The following PHC2 variants were observed in gnomAD, a reference collection of about 807,000 sequenced individuals.
The protein encoded by PHC2 is polyhomeotic homolog 2.
PHC2 carries 29 observed loss-of-function variants against 87.4 expected under a neutral mutation model. That is an observed-to-expected ratio of 0.33 (90% CI 0.25 to 0.45). The LOEUF is 0.45. Among genes scored for constraint, PHC2 ranks in the 20% least tolerant of loss-of-function variants. The pLI, the probability that PHC2 is intolerant of heterozygous loss-of-function variation, is 1.00. For missense variants in PHC2, 857 were observed against 1,136.7 expected (o/e 0.75, Z 3.54); for synonymous variants, 438 against 461.7 (o/e 0.95, Z 0.66).
At chr1:33,425,854 C>A (rs138192274) in intron 1 of PHC2, among the ~76,000 whole-genome samples, 14 of 152,280 alleles carry the variant, frequency 9.2e-5, no homozygotes, top group African/African-American at 3.1e-4. Context: ...CTCACGTTTT[C>A]TTAGGCTTAC....
In PHC2 at chr1:33,367,119, G is replaced by A; in HGVS notation, c.973C>T (p.Pro325Ser). 6.2e-7 allele frequency: 1 copy of A among 1,602,984 alleles called. No individual in the cohort carries two copies. Among genetic ancestry groups the A allele is most frequent in the Non-Finnish European group, 8.5e-7 (1 of 1,172,156 alleles). The change falls in exon 7 of 15, where the codon CCA becomes TCA. Residue 325 changes from proline (P) to serine (S), a missense_variant. By Grantham distance (74) the Pro-to-Ser change is moderately conservative. Coordinates refer to ENST00000683057, the MANE Select transcript of PHC2 (RefSeq NM_001385109.1). ...PAVAAHPLIA[P>S]AYAQLQPHQL... ...TCCTGCTTCCTGAAGACCTTACCTG[G>A]TGCAATGAGGGGGTGGGCAGCCACA... is the stretch of plus-strand genomic sequence containing the variant.
At chr1:33,422,264 T>A (rs1409544354) in intron 1 of PHC2, among the ~76,000 whole-genome samples, 2 of 139,840 alleles carry the variant, frequency 1.4e-5, no homozygotes, top group Non-Finnish European at 3.0e-5. Flanking sequence ...AATGTTTCCA[T>A]GTCTTTCTTT....
At chr1:33,344,761 GC>G (rs1300734760) in intron 9 of PHC2, among the ~76,000 whole-genome samples, 1 of 151,930 alleles carries the variant, frequency 6.6e-6, no homozygotes, top group East Asian at 1.9e-4. Flanking sequence ...GTGCCACTAT[GC>G]CCAGGTAATT....
chr1:33,394,262 T>A (rs1475090836), intron 1 of PHC2, among the ~76,000 whole-genome samples: 2 of 149,024 alleles, frequency 1.3e-5, no homozygotes, highest in African/African-American at 2.5e-5. Context: ...GATGTCCAAA[T>A]AATCCAAGAA....
rs138936354 is a variant in PHC2, at chr1:33,424,430, T to C, written c.-55+6546A>G. ...TAAAAATTCCTGCGAGGTTCTCTCT[T>C]CTGTCAGGAAAAGTTTCCCTAGCAA... is the stretch of plus-strand genomic sequence containing the variant. On this transcript the variant is annotated intron_variant, in intron 1 of 14. Transcript: ENST00000683057. Among the ~76,000 whole-genome samples, 768 of 152,330 alleles carry C rather than the reference T, an allele frequency of 5.0e-3. 10 individuals are homozygous for C. Among genetic ancestry groups the C allele is most frequent in the African/African-American group, 0.017 (724 of 41,568 alleles).
intron 1 of PHC2, among the ~76,000 whole-genome samples, chr1:33,419,734 C>A (rs1043485396): frequency 6.6e-6 from 1 of 152,254 alleles, no homozygotes; most frequent in South Asian, 2.1e-4. Flanking sequence ...CTCAGCCTCC[C>A]GAGTAGCTGG....
intron 1 of PHC2, among the ~76,000 whole-genome samples, chr1:33,397,485 C>G (rs1649343756): frequency 6.6e-6 from 1 of 152,142 alleles, no homozygotes. Flanking sequence ...ATAATCTTAC[C>G]CTGTTAGACA....
intron 1 of PHC2, among the ~76,000 whole-genome samples, chr1:33,425,057 T>C (rs935177045): frequency 2.0e-5 from 3 of 152,232 alleles, no homozygotes; most frequent in Non-Finnish European, 4.4e-5. Context: ...CAGACACAGA[T>C]GTACCCTCAT....
rs1299008429 is a variant in PHC2 at position 33,369,222 on chromosome 1, C to T, written c.577-600G>A. On this transcript the variant is annotated intron_variant, in intron 5 of 14. Coordinates refer to ENST00000683057, the MANE Select transcript of PHC2 (RefSeq NM_001385109.1). The surrounding 1 kb of genome is among the most constrained non-coding windows in gnomAD (Gnocchi z 4.7). ...GTCCTCATGTCTGAATCCCATCCTG[C>T]AGGGTGCAGGATCCATGGTGTTCTC... Among the ~76,000 whole-genome samples the T allele has an allele frequency of 6.6e-6, 1 of 152,238 alleles. No homozygotes were observed. Among genetic ancestry groups the T allele is most frequent in the African/African-American group, 2.4e-5 (1 of 41,454 alleles).
intron 12 of PHC2, among the ~76,000 whole-genome samples, chr1:33,330,728 G>A (rs1196819948): frequency 6.6e-6 from 1 of 152,104 alleles, no homozygotes; most frequent in East Asian, 1.9e-4. Context: ...CTTCCATTGT[G>A]GTACAAAGAC....
chr1:33,385,440 C>T lies in PHC2; in HGVS notation c.-54-9847G>A, dbSNP rs374653965. On this transcript the variant is annotated intron_variant, in intron 1 of 14. Transcript: ENST00000683057. ...GCAGGGTTTACATACAGGAATGCAA[C>T]CCTGGCCATGTTACGTAACCTTTCT... Among the ~76,000 whole-genome samples, 9 of 152,154 alleles carry T rather than the reference C, an allele frequency of 5.9e-5. No homozygotes were observed. In the South Asian group the frequency reaches 1.9e-3, roughly 32 times the overall value.
intron 4 of PHC2, 92 bp from the exon 5 acceptor site, chr1:33,370,677 C>T (rs1647773013): frequency 7.7e-7 from 1 of 1,302,734 alleles, no homozygotes; most frequent in Non-Finnish European, 1.1e-6. Flanking sequence ...CTCTTTTGCT[C>T]CTTGGTTTAT....
At chr1:33,357,891 A>G (rs1647122442) in intron 7 of PHC2, among the ~76,000 whole-genome samples, 2 of 152,254 alleles carry the variant, frequency 1.3e-5, no homozygotes, top group Admixed American at 6.5e-5. Context: ...GGGATGTGGA[A>G]TCATTCTTAG....
intron 1 of PHC2, among the ~76,000 whole-genome samples, chr1:33,417,653 G>C (rs1002602436): frequency 6.6e-6 from 1 of 152,064 alleles, no homozygotes; most frequent in Non-Finnish European, 1.5e-5. Flanking sequence ...GCACTAAAAG[G>C]AGGAAAACAC....
chr1:33,419,674 A>T (rs1570515898), intron 1 of PHC2, among the ~76,000 whole-genome samples: 1 of 151,978 alleles, frequency 6.6e-6, no homozygotes, highest in Non-Finnish European at 1.5e-5. Flanking sequence ...CAGTGGCGCG[A>T]TCTCAGCTCA....
At chr1:33,371,832 G>C (rs766676955) in intron 3 of PHC2, among the ~76,000 whole-genome samples, 2 of 152,224 alleles carry the variant, frequency 1.3e-5, no homozygotes, top group Non-Finnish European at 2.9e-5. Flanking sequence ...AAGACAGGGT[G>C]CTCAGTATAC....
In PHC2 at chr1:33,370,420, C is replaced by T. The variant is rs779758396; in HGVS notation, c.576+1G>A. On this transcript the variant is annotated splice_donor_variant, in intron 5 of 14. Coordinates refer to ENST00000683057, the MANE Select transcript of PHC2 (RefSeq NM_001385109.1). LOFTEE classifies it high-confidence loss of function. ...CCATGGCCCTGGCCATGGGTACTCA[C>T]CATCTGTGCCCTCAGATACATCTGT... 1.9e-6 allele frequency: 3 copies of T among 1,612,544 alleles called. No individual in the cohort carries two copies. The South Asian group carries it at 3.3e-5, about 18-fold the overall frequency.
rs1299155576 is a variant in PHC2 at position 33,354,491 on chromosome 1, G to A, written c.1468C>T (p.Pro490Ser). 2 of 1,613,996 alleles carry A rather than the reference G, an allele frequency of 1.2e-6. No individual in the cohort carries two copies. The highest frequency in any genetic ancestry group is 1.1e-5 in the South Asian group (1 of 91,080). ...ACAATAGCCTGCTGATGTGGTGATG[G>A]GCCAGACCGCGTCTCAGGCACACTT... Reference protein sequence around the residue: ...EKSVPETRSGPSPHQQAIVTA... With the variant: ...EKSVPETRSGSSPHQQAIVTA... Residue 490 changes from proline (P) to serine (S), a missense_variant, in exon 9 of 15, where the codon CCA becomes TCA. Pro to Ser is a moderately conservative substitution (Grantham distance 74). This residue lies in a region of PHC2 where 832 missense variants were observed against 1,081.8 expected (regional missense o/e 0.77). Transcript: ENST00000683057.
At position 33,349,831 on chromosome 1, in the gene PHC2, G is replaced by C; in HGVS notation, c.1558+4570C>G. The stretch of plus-strand genomic sequence containing the variant: ...GCGCGAGGCCGGGGCGGGAGCGCGG[G>C]CGGCGGCCGGGGTTGCGCGCGCGCG... On this transcript the variant is annotated intron_variant, in intron 9 of 14. Transcript: ENST00000683057. The surrounding 1 kb of genome is among the most constrained non-coding windows in gnomAD (Gnocchi z 4.2). The C allele has an allele frequency of 3.1e-6, 3 of 976,990 alleles. No individual in the cohort carries two copies. Among genetic ancestry groups the C allele is most frequent in the Non-Finnish European group, 3.6e-6 (3 of 825,160 alleles). The allele number at this position is 976,990 out of a possible 1,614,324, so 60.5% of individuals were successfully genotyped here.
Sources: allele counts gnomAD v4.1 joint callset (sites outside exome capture counted in the v4.1 genomes callset), GRCh38; gene constraint gnomAD v4.1.1; regional missense constraint gnomAD v4.1.1; non-coding constraint Gnocchi (gnomAD v3.1); transcripts MANE v1.5; gene names NCBI Gene and HGNC (gene_info 2026-07-23, HGNC 2026-07-21).